Variants in IL1RAPL2 observed in about 807,000 individuals in gnomAD.
The protein encoded by IL1RAPL2 is X-linked interleukin-1 receptor accessory protein-like 2.
Under a neutral mutation model 44.1 loss-of-function variants are expected in IL1RAPL2, and 3 were observed. The ratio of observed to expected loss-of-function variants is 0.07; its 90% CI spans 0.03 to 0.18. The LOEUF (loss-of-function observed/expected upper bound fraction) is 0.18. IL1RAPL2 is among the 10% of genes least tolerant of loss of function. The probability of loss-of-function intolerance (pLI) is 1.00; values close to 1 mark genes in which losing one functional copy is unlikely to be tolerated. For synonymous variants in IL1RAPL2, 181 were observed against 178.8 expected, an observed-to-expected ratio of 1.01 and a Z score of -0.10; for missense variants, 391 against 496.4, an observed-to-expected ratio of 0.79 and a Z score of 2.02.
intron 5 of IL1RAPL2, among the ~76,000 whole-genome samples, chrX:105,328,286 GT>G (rs1231435722): frequency 9.0e-6 from 1 of 110,698 alleles, no homozygotes; most frequent in Non-Finnish European, 1.9e-5. Context: ...AATATTATCA[GT>G]TTTTTTTGAA....
chrX:105,562,512 A>AACACAC (rs55720100), intron 6 of IL1RAPL2, among the ~76,000 whole-genome samples: 9,180 of 91,423 alleles, frequency 0.1, 511 homozygotes, highest in African/African-American at 0.2. Flanking sequence ...ATTGAAAATA[A>AACACAC]ACACACACAC....
intron 2 of IL1RAPL2, among the ~76,000 whole-genome samples, chrX:105,098,867 A>T (rs1409867910): frequency 1.8e-5 from 2 of 112,187 alleles, no homozygotes; most frequent in Non-Finnish European, 1.9e-5. Flanking sequence ...GGATAAGTTT[A>T]ACACGCTGAA....
intron 6 of IL1RAPL2, among the ~76,000 whole-genome samples, chrX:105,660,334 G>C (rs1241575532): frequency 3.6e-5 from 4 of 111,083 alleles, no homozygotes; most frequent in Admixed American, 1.9e-4. Flanking sequence ...AAAGCTGAGG[G>C]ATTTCATCAC....
chrX:105,072,482 G>A (rs1475862208), intron 2 of IL1RAPL2, among the ~76,000 whole-genome samples: 5 of 111,159 alleles, frequency 4.5e-5, no homozygotes, highest in Non-Finnish European at 9.4e-5. Context: ...AAGAAGACAG[G>A]AAGATGTGGG....
intron 2 of IL1RAPL2, among the ~76,000 whole-genome samples, chrX:105,077,161 T>C (rs1048421720): frequency 8.9e-6 from 1 of 111,976 alleles, no homozygotes; most frequent in African/African-American, 3.3e-5. Flanking sequence ...CAATTTGTCA[T>C]GTTTTTGCAG....
At chrX:104,582,182 A>AT (rs1928360624) in intron 1 of IL1RAPL2, among the ~76,000 whole-genome samples, 1 of 112,414 alleles carries the variant, frequency 8.9e-6, no homozygotes. Context: ...AAAAACAGGC[A>AT]AGGCCAAGAG....
At chrX:105,353,851 C>G (rs2035178114) in intron 5 of IL1RAPL2, among the ~76,000 whole-genome samples, 1 of 111,445 alleles carries the variant, frequency 9.0e-6, no homozygotes, top group African/African-American at 3.3e-5. Flanking sequence ...ATGGGGTTTT[C>G]TAGATACACA....
chrX:105,711,050 A>G (rs2038205988), intron 6 of IL1RAPL2, among the ~76,000 whole-genome samples: 2 of 108,780 alleles, frequency 1.8e-5, no homozygotes, highest in South Asian at 7.9e-4. Context: ...TATTTTCAAA[A>G]TGAGAGAATA....
At chrX:105,067,952 A>G (rs1159722888) in intron 2 of IL1RAPL2, among the ~76,000 whole-genome samples, 1 of 112,198 alleles carries the variant, frequency 8.9e-6, no homozygotes, top group Non-Finnish European at 1.9e-5. Context: ...GAATACATGA[A>G]TCATCTTTAC....
At chrX:105,068,585 G>A (rs2032167122) in intron 2 of IL1RAPL2, among the ~76,000 whole-genome samples, 1 of 111,791 alleles carries the variant, frequency 8.9e-6, no homozygotes, top group Non-Finnish European at 1.9e-5. Context: ...GGATCTCTGA[G>A]TGAGCATTGG....
intron 2 of IL1RAPL2, among the ~76,000 whole-genome samples, chrX:104,935,159 G>C (rs1924997484): frequency 8.9e-6 from 1 of 112,090 alleles, no homozygotes; most frequent in Non-Finnish European, 1.9e-5. Flanking sequence ...TGTTATGTTT[G>C]ATGCTCCAAC....
At chrX:105,194,409 C>T (rs1356951387) in intron 2 of IL1RAPL2, among the ~76,000 whole-genome samples, 1 of 111,768 alleles carries the variant, frequency 8.9e-6, no homozygotes, top group Non-Finnish European at 1.9e-5. Context: ...AAGGATACAG[C>T]GTATTTTGAT....
chrX:104,974,508 C>T (rs1387771046), intron 2 of IL1RAPL2, among the ~76,000 whole-genome samples: 1 of 112,037 alleles, frequency 8.9e-6, no homozygotes, highest in Non-Finnish European at 1.9e-5. Context: ...CAACTGGATT[C>T]AAGTTATTTA....
At chrX:104,983,594 T>TGCATAATATATAA (rs2030499928) in intron 2 of IL1RAPL2, among the ~76,000 whole-genome samples, 3 of 45,844 alleles carry the variant, frequency 6.5e-5, no homozygotes, top group Non-Finnish European at 1.7e-4. Flanking sequence ...ATATAATATA[T>TGCATAATATATAA]TATATGCATA....
intron 2 of IL1RAPL2, among the ~76,000 whole-genome samples, chrX:105,028,225 C>CA (rs2031411188): frequency 9.1e-6 from 1 of 110,086 alleles, no homozygotes; most frequent in Admixed American, 9.7e-5. Context: ...TTAATGGGTA[C>CA]AAAAAATAGT....
intron 2 of IL1RAPL2, among the ~76,000 whole-genome samples, chrX:104,792,220 CT>C (rs1932829915): frequency 9.0e-6 from 1 of 111,097 alleles, no homozygotes; most frequent in Non-Finnish European, 1.9e-5. Context: ...AGATCTTACT[CT>C]AGTAAGATGA....
chrX:105,151,781 G>GTATATATA (rs111851738), intron 2 of IL1RAPL2, among the ~76,000 whole-genome samples: 3 of 107,002 alleles, frequency 2.8e-5, no homozygotes, highest in African/African-American at 1.0e-4. Context: ...AAACTACAGT[G>GTATATATA]TATATATATA....
intron 6 of IL1RAPL2, among the ~76,000 whole-genome samples, chrX:105,561,735 A>T (rs1478252106): frequency 8.9e-6 from 1 of 112,162 alleles, no homozygotes; most frequent in East Asian, 2.8e-4. Flanking sequence ...AGCCTGGCTT[A>T]TTCCCTGAGC....
At chrX:105,138,345 A>C (rs904387134) in intron 2 of IL1RAPL2, among the ~76,000 whole-genome samples, 1 of 110,704 alleles carries the variant, frequency 9.0e-6, no homozygotes, top group African/African-American at 3.3e-5. Flanking sequence ...TTATTTTTTC[A>C]GTCTTTTATT....
Sources: gnomAD v4.1 joint callset for allele counts (sites outside exome capture counted in the v4.1 genomes callset) on GRCh38, gnomAD v4.1.1 for gene constraint, MANE v1.5 for transcripts, NCBI Gene and HGNC (gene_info 2026-07-23, HGNC 2026-07-21) for gene names.